SPTA1: variants seen among roughly 807,000 people sequenced by gnomAD.
SPTA1 encodes spectrin alpha chain, erythrocytic 1.
A neutral mutation model predicts 324.7 loss-of-function variants in SPTA1; 177 were observed. The observed-to-expected ratio is 0.55, with a 90% confidence interval of 0.48 to 0.62. The LOEUF (loss-of-function observed/expected upper bound fraction) is 0.62. SPTA1 is among the 20% of genes least tolerant of loss of function. The pLI is 0.00. For missense variants in SPTA1, 3,162 were observed against 2,883.6 expected (o/e 1.10, Z -2.21); for synonymous variants, 1,195 against 1,041.3 (o/e 1.15, Z -2.84).
At chr1:158,628,074 G>C (rs1308314543) in intron 39 of SPTA1, among the ~76,000 whole-genome samples, 2 of 152,076 alleles carry the variant, frequency 1.3e-5, no homozygotes, top group East Asian at 3.9e-4. Flanking sequence ...AATGTGTCTA[G>C]CAGAAAAAAA....
At position 158,642,394 on chromosome 1, in the gene SPTA1, C is replaced by T; in HGVS notation, c.4737+17G>A. The T allele has an allele frequency of 6.2e-7, 1 of 1,612,030 alleles. No individual in the cohort carries two copies. The highest frequency in any genetic ancestry group is 8.5e-7 in the Non-Finnish European group (1 of 1,178,754). The stretch of plus-strand genomic sequence containing the variant: ...CTTCATGTGACTTTGTAGCCCAAAA[C>T]TCATCCTGAGCTTTACCTTCATGGC... On this transcript the variant is annotated intron_variant, in intron 33 of 51. Transcript: ENST00000643759.
Position 158,676,158 on chromosome 1 carries a change from T to G in SPTA1, c.1095A>C (p.Lys365Asn), listed in dbSNP as rs1304669548. ...TTTCCCACCAATAAGTAGCCTGCAGTTTTTCATATCTGCTGGTGGCCAGGG... is the reference window on the plus strand; with the variant it reads ...TTTCCCACCAATAAGTAGCCTGCAGGTTTTCATATCTGCTGGTGGCCAGGG... Reference protein sequence around the residue: ...IRALATSRYEKLQATYWYHRF... With the variant: ...IRALATSRYENLQATYWYHRF... The change falls in exon 8 of 52, where the codon AAA (lysine) becomes AAC (asparagine). Residue 365 changes from lysine to asparagine, a missense_variant. Coordinates refer to ENST00000643759, the MANE Select transcript of SPTA1 (RefSeq NM_003126.4). 5 of 1,613,480 alleles carry G rather than the reference T, an allele frequency of 3.1e-6. No homozygotes were observed. Among genetic ancestry groups the G allele is most frequent in the Non-Finnish European group, 4.2e-6 (5 of 1,179,712 alleles).
At chr1:158,668,151 A>G in intron 14 of SPTA1, 89 bp from the exon 15 acceptor site, 1 of 1,385,174 alleles carries the variant, frequency 7.2e-7, no homozygotes, top group Non-Finnish European at 1.0e-6. Flanking sequence ...TCTCACTATA[A>G]ATCTAACGAA....
chr1:158,626,008 A>G, intron 42 of SPTA1, 138 bp downstream of exon 42: 1 of 673,728 alleles, frequency 1.5e-6, no homozygotes, highest in South Asian at 2.0e-5. Context: ...AATAATTAGG[A>G]AATTATTAAT....
chr1:158,637,796 C>T (rs1651196595), intron 36 of SPTA1, among the ~76,000 whole-genome samples: 2 of 152,152 alleles, frequency 1.3e-5, no homozygotes, highest in African/African-American at 4.8e-5. Context: ...TAGTTTTGTT[C>T]CTGTCATGTA....
At chr1:158,646,366 T>G (rs1651998554) in intron 27 of SPTA1, among the ~76,000 whole-genome samples, 1 of 152,206 alleles carries the variant, frequency 6.6e-6, no homozygotes, top group African/African-American at 2.4e-5. Flanking sequence ...TGTAAATTTA[T>G]TTATTCAAGC....
At chr1:158,682,337 G>T (rs182796427) in intron 3 of SPTA1, among the ~76,000 whole-genome samples, 2 of 152,060 alleles carry the variant, frequency 1.3e-5, no homozygotes, top group African/African-American at 4.8e-5. Context: ...GTTAAACCCC[G>T]CAATGGTACC....
chr1:158,661,256 T>A (rs1479789764), intron 18 of SPTA1, 31 bp downstream of exon 18: 1 of 1,613,722 alleles, frequency 6.2e-7, no homozygotes, highest in East Asian at 2.2e-5. Context: ...CCTGGTGATG[T>A]TTTGTCCAAC....
rs1345384278 is a variant in SPTA1, at chr1:158,659,595, A to ATTATTTTTTTTTTTTTT, written c.2587+1691_2587+1692insAAAAAAAAAAAAAATAA. Among the ~76,000 whole-genome samples, 24 of 68,776 alleles carry ATTATTTTTTTTTTTTTT rather than the reference A, an allele frequency of 3.5e-4. 5 individuals are homozygous for ATTATTTTTTTTTTTTTT. The highest frequency in any genetic ancestry group is 6.0e-4 in the Non-Finnish European group (18 of 30,034). The allele number at this position is 68,776 out of a possible 152,430, so 45.1% of individuals were successfully genotyped here. Reference sequence around the variant, plus strand: ...AAAAGAAAATAATAGTCTTAGCATTATTTTTTTTTTTTTTTTTTTTTTTTT... The same window carrying ATTATTTTTTTTTTTTTT: ...AAAAGAAAATAATAGTCTTAGCATTATTATTTTTTTTTTTTTTTTTTTTTTTTTTTTTTTTTTTTTTT... On this transcript the variant is annotated intron_variant, in intron 18 of 51. Coordinates refer to ENST00000643759, the MANE Select transcript of SPTA1 (RefSeq NM_003126.4).
In SPTA1 at chr1:158,614,313, GAAA is replaced by G; in HGVS notation, c.6789-10_6789-8del. ...ACTCACACCTTTGATGTCCCTGAAA[GAAA>G]AAAAAAAAACATGAATTTTCCCTGT... On this transcript the variant is annotated splice_polypyrimidine_tract_variant and splice_region_variant and intron_variant, in intron 48 of 51. Transcript: ENST00000643759. The G allele has an allele frequency of 6.9e-7, 1 of 1,443,666 alleles. No homozygotes were observed. Among genetic ancestry groups the G allele is most frequent in the Non-Finnish European group, 9.5e-7 (1 of 1,050,004 alleles). 89.4% of individuals were successfully genotyped at this position (1,443,666 alleles called of 1,614,324 possible).
intron 12 of SPTA1, 38 bp from the exon 13 acceptor site, chr1:158,669,824 A>G: frequency 1.2e-6 from 2 of 1,601,774 alleles, no homozygotes; most frequent in Non-Finnish European, 1.7e-6. Context: ...CTTTTCCTTC[A>G]GTGACCACTG....
chr1:158,645,106 A>T, intron 29 of SPTA1, 82 bp downstream of exon 29: 1 of 1,454,088 alleles, frequency 6.9e-7, no homozygotes, highest in South Asian at 1.1e-5. Flanking sequence ...AGTCTAGTGA[A>T]CGGAGCCTGT....
At chr1:158,634,476 C>T (rs1650910912) in intron 39 of SPTA1, 67 bp downstream of exon 39, 3 of 1,601,482 alleles carry the variant, frequency 1.9e-6, no homozygotes, top group South Asian at 1.1e-5. Context: ...CAGGTAAAAA[C>T]ACTGACTACC....
chr1:158,628,123 A>G (rs556724979), intron 39 of SPTA1, among the ~76,000 whole-genome samples: 4 of 152,284 alleles, frequency 2.6e-5, no homozygotes, highest in African/African-American at 9.6e-5. Flanking sequence ...CCCTGATCCT[A>G]AAGAGAAGTT....
chr1:158,670,972 C>G (rs1343710275), intron 12 of SPTA1, among the ~76,000 whole-genome samples: 1 of 151,454 alleles, frequency 6.6e-6, no homozygotes, highest in African/African-American at 2.4e-5. Flanking sequence ...TAAAACAAAA[C>G]CATACACTTC....
intron 16 of SPTA1, among the ~76,000 whole-genome samples, chr1:158,664,246 G>C (rs59907488): frequency 0.077 from 11,709 of 152,146 alleles, 1,548 homozygotes; most frequent in African/African-American, 0.27. Flanking sequence ...TACTGTAGCA[G>C]TATTTACAAT....
intron 48 of SPTA1, chr1:158,614,816 A>G (rs1649458430): frequency 5.0e-6 from 1 of 200,434 alleles, no homozygotes; most frequent in Non-Finnish European, 1.0e-5. Context: ...TAGTGAATTT[A>G]TCTAGAAAAT....
intron 19 of SPTA1, among the ~76,000 whole-genome samples, chr1:158,656,970 A>G (rs888234956): frequency 6.6e-6 from 1 of 152,228 alleles, no homozygotes; most frequent in African/African-American, 2.4e-5. Context: ...GTAACTTAAA[A>G]TATGCATACC....
chr1:158,641,910 CA>C (rs578179846), intron 33 of SPTA1, among the ~76,000 whole-genome samples: 15 of 152,290 alleles, frequency 9.8e-5, no homozygotes, highest in African/African-American at 3.6e-4. Context: ...GGAACCAACC[CA>C]AATGTCCCAC....
Sources: gnomAD v4.1 joint callset for allele counts (sites outside exome capture counted in the v4.1 genomes callset) on GRCh38, gnomAD v4.1.1 for gene constraint, MANE v1.5 for transcripts, NCBI Gene and HGNC (gene_info 2026-07-23, HGNC 2026-07-21) for gene names.